GPC6: variants seen among roughly 807,000 people sequenced by gnomAD.
The protein encoded by GPC6 is glypican-6.
A neutral mutation model predicts 55.2 loss-of-function variants in GPC6; 14 were observed. The ratio of observed to expected loss-of-function variants is 0.25; its 90% CI spans 0.17 to 0.40. The LOEUF is 0.40. GPC6 is among the 10% of genes least tolerant of loss of function. The pLI, the probability that GPC6 is intolerant of heterozygous loss-of-function variation, is 1.00. For synonymous variants in GPC6, 278 were observed against 259.6 expected, an observed-to-expected ratio of 1.07 and a Z score of -0.68; for missense variants, 641 against 708.5, an observed-to-expected ratio of 0.90 and a Z score of 1.08.
intron 2 of GPC6, among the ~76,000 whole-genome samples, chr13:93,709,997 G>C (rs1882997777): frequency 6.6e-6 from 1 of 151,662 alleles, no homozygotes; most frequent in Admixed American, 6.6e-5. Flanking sequence ...TCAATTACAA[G>C]GGTTTACATA....
intron 6 of GPC6, among the ~76,000 whole-genome samples, chr13:94,381,937 A>G (rs1362706212): frequency 2.0e-5 from 3 of 152,242 alleles, no homozygotes; most frequent in East Asian, 3.8e-4. Flanking sequence ...GCACTAGAGC[A>G]TAAGTACCAG....
chr13:94,126,645 T>C (rs1338219611), intron 4 of GPC6, among the ~76,000 whole-genome samples: 1 of 152,086 alleles, frequency 6.6e-6, no homozygotes, highest in African/African-American at 2.4e-5. Flanking sequence ...AGGGTAAAAA[T>C]AGGAGGAGAA....
rs1023482587 is a variant in GPC6 at position 94,317,855 on chromosome 13, GTGTGTGTGCA to G, written c.1152+11751_1152+11760del. Among the ~76,000 whole-genome samples the G allele has an allele frequency of 3.3e-4, 50 of 152,162 alleles. 1 individual carries two copies. Among genetic ancestry groups the G allele is most frequent in the African/African-American group, 4.8e-4 (20 of 41,516 alleles). On this transcript the variant is annotated intron_variant, in intron 6 of 8. Coordinates refer to ENST00000377047, the MANE Select transcript of GPC6 (RefSeq NM_005708.5). Reference sequence around the variant, plus strand: ...GTATAGTGTATGTGAGTGTGAGAGTGTGTGTGTGCATGTGTGTGCATGTGTGTGTGTTTCT... The same window carrying G: ...GTATAGTGTATGTGAGTGTGAGAGTGTGTGTGTGCATGTGTGTGTGTTTCT...
chr13:93,927,784 A>G (rs1157700784), intron 3 of GPC6, among the ~76,000 whole-genome samples: 4 of 152,182 alleles, frequency 2.6e-5, no homozygotes, highest in Non-Finnish European at 4.4e-5. Context: ...CAAGAATTTA[A>G]CACAATTCCT....
chr13:93,681,490 A>G (rs1173028072), intron 2 of GPC6, among the ~76,000 whole-genome samples: 3 of 152,216 alleles, frequency 2.0e-5, no homozygotes, highest in East Asian at 3.8e-4. Flanking sequence ...AATAAAAACT[A>G]ATGGTAATAA....
At chr13:93,457,824 G>A (rs909645995) in intron 1 of GPC6, among the ~76,000 whole-genome samples, 2 of 145,034 alleles carry the variant, frequency 1.4e-5, no homozygotes, top group Admixed American at 6.8e-5. Context: ...TGTATCTGTC[G>A]ATCAATATTA....
intron 2 of GPC6, among the ~76,000 whole-genome samples, chr13:93,611,331 G>T (rs80141256): frequency 0.033 from 5,088 of 152,094 alleles, 282 homozygotes; most frequent in African/African-American, 0.11. Context: ...GCATATTAAG[G>T]TTAGGTTAAA....
intron 1 of GPC6, among the ~76,000 whole-genome samples, chr13:93,542,816 C>T (rs993982241): frequency 2.6e-5 from 4 of 152,064 alleles, no homozygotes; most frequent in African/African-American, 9.7e-5. Context: ...CATGATTTGG[C>T]TCTCTGTTTG....
chr13:93,793,231 G>A (rs1271987402), intron 2 of GPC6, among the ~76,000 whole-genome samples: 1 of 152,136 alleles, frequency 6.6e-6, no homozygotes, highest in African/African-American at 2.4e-5. Context: ...TTAATGTTAT[G>A]AATGAATTCT....
intron 1 of GPC6, among the ~76,000 whole-genome samples, chr13:93,531,757 C>A (rs1202933436): frequency 6.6e-6 from 1 of 152,120 alleles, no homozygotes; most frequent in African/African-American, 2.4e-5. Flanking sequence ...ATCTTAGTGA[C>A]CATTTGAAAA....
At chr13:93,373,842 TA>T (rs1874776000) in intron 1 of GPC6, among the ~76,000 whole-genome samples, 1 of 152,220 alleles carries the variant, frequency 6.6e-6, no homozygotes, top group African/African-American at 2.4e-5. Context: ...GCGTTTATTA[TA>T]TATATTGTTT....
At chr13:93,358,570 C>A (rs1880935172) in intron 1 of GPC6, among the ~76,000 whole-genome samples, 1 of 152,048 alleles carries the variant, frequency 6.6e-6, no homozygotes, top group Non-Finnish European at 1.5e-5. Context: ...GACTCTAAAG[C>A]CTACATTGAA....
chr13:94,226,566 C>A (rs186873139), intron 4 of GPC6, among the ~76,000 whole-genome samples: 10 of 152,042 alleles, frequency 6.6e-5, no homozygotes, highest in African/African-American at 1.9e-4. Context: ...AAAAAAGGTA[C>A]CTGAGGCTCT....
At chr13:94,326,120 C>A (rs896852411) in intron 6 of GPC6, among the ~76,000 whole-genome samples, 17 of 151,974 alleles carry the variant, frequency 1.1e-4, no homozygotes, top group African/African-American at 4.1e-4. Context: ...CACTAGAATC[C>A]AGAAAGATGA....
intron 5 of GPC6, among the ~76,000 whole-genome samples, chr13:94,290,271 A>G (rs1267152886): frequency 1.3e-5 from 2 of 151,904 alleles, no homozygotes; most frequent in Non-Finnish European, 2.9e-5. Context: ...AAAAATAAAA[A>G]TTAGCCCAGC....
chr13:93,282,303 T>C (rs1367504738), intron 1 of GPC6, among the ~76,000 whole-genome samples: 1 of 152,152 alleles, frequency 6.6e-6, no homozygotes, highest in Non-Finnish European at 1.5e-5. Context: ...TTGCTAAAAT[T>C]GTCCTTAGCA....
upstream of GPC6, among the ~76,000 whole-genome samples, chr13:93,226,377 C>A (rs928155512): frequency 1.3e-5 from 2 of 152,078 alleles, no homozygotes; most frequent in South Asian, 4.1e-4. Context: ...AAATTAAGAA[C>A]TACCAGTCTG....
chr13:93,337,164 C>T (rs1880074784), intron 1 of GPC6, among the ~76,000 whole-genome samples: 1 of 152,148 alleles, frequency 6.6e-6, no homozygotes, highest in African/African-American at 2.4e-5. Flanking sequence ...CAACCATTCA[C>T]TCTATCCCAG....
intron 2 of GPC6, among the ~76,000 whole-genome samples, chr13:93,615,589 TA>T (rs1878682392): frequency 6.6e-6 from 1 of 152,072 alleles, no homozygotes; most frequent in Non-Finnish European, 1.5e-5. Context: ...TCAACATAGT[TA>T]TCCTGGAAAA....
Sources: gnomAD v4.1 joint callset for allele counts (sites outside exome capture counted in the v4.1 genomes callset) on GRCh38, gnomAD v4.1.1 for gene constraint, MANE v1.5 for transcripts, NCBI Gene and HGNC (gene_info 2026-07-23, HGNC 2026-07-21) for gene names.